The following PPP2R2C variants were observed in gnomAD, a reference collection of about 807,000 sequenced individuals.
The protein encoded by PPP2R2C is protein phosphatase 2 regulatory subunit Bgamma, also known as protein phosphatase 2, regulatory subunit B, gamma.
A neutral mutation model predicts 45.3 loss-of-function variants in PPP2R2C; 10 were observed. The ratio of observed to expected loss-of-function variants is 0.22; its 90% CI spans 0.14 to 0.37. PPP2R2C has a LOEUF of 0.37. Among genes scored for constraint, PPP2R2C ranks in the 10% least tolerant of loss-of-function variants. The probability of loss-of-function intolerance (pLI) is 1.00; values close to 1 mark genes in which losing one functional copy is unlikely to be tolerated. For missense variants in PPP2R2C, 308 were observed against 619.7 expected (o/e 0.50, Z 5.34); for synonymous variants, 257 against 245.4 (o/e 1.05, Z -0.44).
intron 6 of PPP2R2C, among the ~76,000 whole-genome samples, chr4:6,335,855 C>A (rs898118021): frequency 8.5e-5 from 13 of 152,190 alleles, no homozygotes; most frequent in Non-Finnish European, 4.4e-5. Context: ...GAAGGTCCCC[C>A]CCACCTCTCT....
intron 1 of PPP2R2C, among the ~76,000 whole-genome samples, chr4:6,406,667 G>A (rs1717816286): frequency 6.6e-6 from 1 of 152,172 alleles, no homozygotes; most frequent in Non-Finnish European, 1.5e-5. Flanking sequence ...TGAGGCAGGA[G>A]AATCCATTGA....
chr4:6,521,264 C>T (rs576764890), intron 2 of PPP2R2C, among the ~76,000 whole-genome samples: 6 of 152,200 alleles, frequency 3.9e-5, no homozygotes, highest in Non-Finnish European at 8.8e-5. Flanking sequence ...GCTTTTGGGG[C>T]TTTATCCTGC....
rs1732466040 is a variant in PPP2R2C at position 6,332,251 on chromosome 4, C to T, written c.960+1311G>A. On this transcript the variant is annotated intron_variant, in intron 7 of 8. Transcript: ENST00000382599. The surrounding 1 kb of genome is among the most constrained non-coding windows in gnomAD (Gnocchi z 4.9). ...GCCTCCAGAGGGAGCCAGAGAGTTG[C>T]TCCTGCAGGCTTGAGCCGGGCTTAT... Among the ~76,000 whole-genome samples the T allele has an allele frequency of 6.6e-6, 1 of 152,210 alleles. No individual in the cohort carries two copies. Among genetic ancestry groups the T allele is most frequent in the African/African-American group, 2.4e-5 (1 of 41,460 alleles).
At chr4:6,355,118 C>G (rs879562580) in intron 5 of PPP2R2C, among the ~76,000 whole-genome samples, 1 of 152,186 alleles carries the variant, frequency 6.6e-6, no homozygotes, top group African/African-American at 2.4e-5. Flanking sequence ...CTATCTGTCC[C>G]CAGCGAGGGC....
At chr4:6,483,156 TAGA>T (rs1287930111) in intron 2 of PPP2R2C, among the ~76,000 whole-genome samples, 1 of 82,496 alleles carries the variant, frequency 1.2e-5, no homozygotes, top group Admixed American at 1.6e-4. Flanking sequence ...GATTGATTGA[TAGA>T]TAGACGATAG....
At chr4:6,451,715 A>G (rs1053361823) in intron 1 of PPP2R2C, among the ~76,000 whole-genome samples, 1 of 149,984 alleles carries the variant, frequency 6.7e-6, no homozygotes, top group African/African-American at 2.5e-5. Flanking sequence ...GACAAAGGAA[A>G]CTCTTCCCAT....
At chr4:6,427,676 T>G (rs1164717202) in intron 1 of PPP2R2C, among the ~76,000 whole-genome samples, 2 of 152,178 alleles carry the variant, frequency 1.3e-5, no homozygotes, top group East Asian at 3.8e-4. Context: ...ATCAGTATGC[T>G]CGGTGATGGA....
At chr4:6,396,692 G>A (rs972752485) in intron 1 of PPP2R2C, among the ~76,000 whole-genome samples, 5 of 152,212 alleles carry the variant, frequency 3.3e-5, no homozygotes, top group Non-Finnish European at 5.9e-5. Flanking sequence ...TATTCTCCCC[G>A]CTTCCAGATA....
intron 1 of PPP2R2C, among the ~76,000 whole-genome samples, chr4:6,540,716 T>C (rs1724780594): frequency 6.6e-6 from 1 of 152,206 alleles, no homozygotes; most frequent in Non-Finnish European, 1.5e-5. Flanking sequence ...TCCACACATG[T>C]GGTTTCTGCA....
intron 1 of PPP2R2C, among the ~76,000 whole-genome samples, chr4:6,403,615 C>G (rs1717592634): frequency 6.6e-6 from 1 of 152,128 alleles, no homozygotes; most frequent in South Asian, 2.1e-4. Flanking sequence ...ATTAAAAATA[C>G]AACCTGGGAG....
At chr4:6,411,554 CTTTTTT>C (rs34210845) in intron 1 of PPP2R2C, among the ~76,000 whole-genome samples, 1 of 136,254 alleles carries the variant, frequency 7.3e-6, no homozygotes, top group Non-Finnish European at 1.6e-5. Context: ...CTTTTCATTT[CTTTTTT>C]TTTTTTTTTT....
chr4:6,402,573 G>A (rs11722264), intron 1 of PPP2R2C, among the ~76,000 whole-genome samples: 35,537 of 151,846 alleles, frequency 0.23, 4,978 homozygotes, highest in East Asian at 0.67. Context: ...CTATGGGACC[G>A]CGCTAGGCCA....
chr4:6,420,925 G>T, intron 1 of PPP2R2C: 1 of 984,802 alleles, frequency 1.0e-6, no homozygotes, highest in Non-Finnish European at 1.2e-6. Flanking sequence ...TGCTTACCAA[G>T]CCTCCTCCTA....
intron 1 of PPP2R2C, among the ~76,000 whole-genome samples, chr4:6,407,078 C>G (rs1482708354): frequency 6.6e-6 from 1 of 152,190 alleles, no homozygotes; most frequent in Admixed American, 6.5e-5. Flanking sequence ...GGATCCACCC[C>G]TGCAGGCTAC....
intron 1 of PPP2R2C, among the ~76,000 whole-genome samples, chr4:6,464,001 G>A (rs967416256): frequency 1.8e-4 from 28 of 152,224 alleles, no homozygotes; most frequent in African/African-American, 6.3e-4. Flanking sequence ...GCCAATTAAT[G>A]TAGCAGTCAG....
At chr4:6,498,565 G>T (rs1722944383) in intron 2 of PPP2R2C, among the ~76,000 whole-genome samples, 2 of 152,294 alleles carry the variant, frequency 1.3e-5, no homozygotes, top group South Asian at 4.2e-4. Flanking sequence ...TAATTCATTG[G>T]GTGTGCCGTG....
intron 5 of PPP2R2C, chr4:6,350,970 G>A (rs1290852441): frequency 6.1e-6 from 6 of 985,182 alleles, no homozygotes; most frequent in African/African-American, 5.2e-5. Flanking sequence ...CCACCCAAAC[G>A]CTCTTTCCTT....
At chr4:6,522,837 G>GACAA (rs936330847) in intron 2 of PPP2R2C, among the ~76,000 whole-genome samples, 2 of 152,256 alleles carry the variant, frequency 1.3e-5, no homozygotes, top group African/African-American at 4.8e-5. Flanking sequence ...GAGGGAGACA[G>GACAA]ACAAACAGAC....
chr4:6,486,509 T>G (rs1321179583), intron 2 of PPP2R2C, among the ~76,000 whole-genome samples: 1 of 152,110 alleles, frequency 6.6e-6, no homozygotes, highest in Non-Finnish European at 1.5e-5. Flanking sequence ...ATTCATCTAT[T>G]GCTTCTTGCA....
Sources: allele counts gnomAD v4.1 joint callset (sites outside exome capture counted in the v4.1 genomes callset), GRCh38; gene constraint gnomAD v4.1.1; non-coding constraint Gnocchi (gnomAD v3.1); transcripts MANE v1.5; gene names NCBI Gene and HGNC (gene_info 2026-07-23, HGNC 2026-07-21).